ADD3: variants seen among roughly 807,000 people sequenced by gnomAD.
ADD3 encodes gamma-adducin.
Under a neutral mutation model 80.2 loss-of-function variants are expected in ADD3, and 25 were observed. The ratio of observed to expected loss-of-function variants is 0.31; its 90% CI spans 0.23 to 0.44. The LOEUF (loss-of-function observed/expected upper bound fraction) is 0.44. Ranked by LOEUF, ADD3 falls within the 20% of genes least tolerant of loss-of-function variation. The pLI is 1.00. For synonymous variants in ADD3, 284 were observed against 289.6 expected (o/e 0.98, Z 0.20); for missense variants, 829 against 847.5 (o/e 0.98, Z 0.27).
chr10:110,046,998 T>A (rs1249351632), intron 1 of ADD3, among the ~76,000 whole-genome samples: 1 of 152,160 alleles, frequency 6.6e-6, no homozygotes, highest in East Asian at 1.9e-4. Flanking sequence ...GGGTCACAAG[T>A]GCTGACTACT....
At chr10:110,118,017 A>AACACAC in intron 5 of ADD3, among the ~76,000 whole-genome samples, 1 of 97,072 alleles carries the variant, frequency 1.0e-5, no homozygotes, top group Non-Finnish European at 2.1e-5. Flanking sequence ...CTCTGTCTTC[A>AACACAC]ATACACACAC....
At chr10:110,131,646 T>C (rs953795450) in intron 13 of ADD3, among the ~76,000 whole-genome samples, 1 of 152,258 alleles carries the variant, frequency 6.6e-6, no homozygotes, top group African/African-American at 2.4e-5. Context: ...GATTCATTAA[T>C]GTAATTATAC....
At chr10:110,121,942 A>T (rs758763749) in intron 8 of ADD3, 168 bp from the exon 9 acceptor site, 15 of 498,630 alleles carry the variant, frequency 3.0e-5, no homozygotes, top group Non-Finnish European at 5.1e-5. Context: ...GGTGGAAAAG[A>T]TACTTCAGCT....
At chr10:110,074,481 G>A (rs911097687) in intron 1 of ADD3, among the ~76,000 whole-genome samples, 30 of 152,198 alleles carry the variant, frequency 2.0e-4, no homozygotes, top group African/African-American at 7.2e-4. Context: ...CTAGGAGTGC[G>A]TGAACTCTTG....
chr10:110,100,012 C>G (rs1405892550), intron 1 of ADD3, among the ~76,000 whole-genome samples: 1 of 152,066 alleles, frequency 6.6e-6, no homozygotes, highest in African/African-American at 2.4e-5. Flanking sequence ...CACAGAGGCT[C>G]ATGCCTGTAA....
chr10:110,102,682 A>G (rs1848959956), intron 2 of ADD3, among the ~76,000 whole-genome samples: 1 of 152,236 alleles, frequency 6.6e-6, no homozygotes, highest in Non-Finnish European at 1.5e-5. Context: ...AATGAAGTGA[A>G]GTTTCAATTT....
chr10:110,122,224 G>A lies in ADD3; in HGVS notation c.1075G>A (p.Gly359Ser), dbSNP rs1248997219. 1.2e-6 allele frequency: 2 copies of A among 1,613,908 alleles called. No individual in the cohort carries two copies. The highest frequency in any genetic ancestry group is 3.3e-5 in the Admixed American group (2 of 59,988). The stretch of plus-strand genomic sequence containing the variant: ...GTCTGGTGGAGGAGGTGTGAATATG[G>A]GTTCCCATCAAAAATGGAAGGTTGG... ...AASGGGGVNM[G>S]SHQKWKVGEI... is the part of the protein sequence containing the mutation. Residue 359 changes from glycine to serine, a missense_variant, in exon 9 of 15, where the codon GGT becomes AGT. By Grantham distance (56) the Gly-to-Ser change is moderately conservative. Coordinates refer to ENST00000356080, the MANE Select transcript of ADD3 (RefSeq NM_016824.5).
At chr10:110,015,398 T>TG (rs1446138897) in intron 1 of ADD3, among the ~76,000 whole-genome samples, 1 of 149,430 alleles carries the variant, frequency 6.7e-6, no homozygotes, top group East Asian at 2.0e-4. Flanking sequence ...TTTTTTGAGA[T>TG]GGAGTCTCGC....
At chr10:110,046,132 A>T (rs1856882018) in intron 1 of ADD3, among the ~76,000 whole-genome samples, 1 of 152,214 alleles carries the variant, frequency 6.6e-6, no homozygotes. Context: ...CTTGATGTGT[A>T]CCATAGATTG....
At chr10:110,123,508 T>A (rs1375050408) in intron 9 of ADD3, among the ~76,000 whole-genome samples, 2 of 152,242 alleles carry the variant, frequency 1.3e-5, no homozygotes, top group East Asian at 3.8e-4. Flanking sequence ...GAGAAATGTT[T>A]ATTCAGATCC....
At chr10:110,126,177 G>A (rs1852124736) in intron 11 of ADD3, among the ~76,000 whole-genome samples, 1 of 152,116 alleles carries the variant, frequency 6.6e-6, no homozygotes, top group Non-Finnish European at 1.5e-5. Flanking sequence ...AGAGAACCCT[G>A]CTATTAGGGG....
Position 110,075,520 on chromosome 10 carries a change from C to G in ADD3, c.-29-25105C>G, listed in dbSNP as rs182641527. 65 of 152,274 alleles carry G rather than the reference C, an allele frequency of 4.3e-4. No individual in the cohort carries two copies. In the East Asian group the frequency reaches 8.5e-3, roughly 20 times the overall value. The allele number at this position is 152,274 out of a possible 1,614,324, so 9.4% of individuals were successfully genotyped here. ...GGTGAAAGCCCCAAAAGGAAACAGA[C>G]TGATTCTTCCATGCACAAACAGCTG... is the stretch of plus-strand genomic sequence containing the variant. On this transcript the variant is annotated intron_variant, in intron 1 of 14. Coordinates refer to ENST00000356080, the MANE Select transcript of ADD3 (RefSeq NM_016824.5).
intron 1 of ADD3, among the ~76,000 whole-genome samples, chr10:110,081,673 G>A (rs147400951): frequency 2.0e-3 from 298 of 152,218 alleles, no homozygotes; most frequent in African/African-American, 7.0e-3. Flanking sequence ...AAACGTATCT[G>A]ATGTATAAAA....
intron 1 of ADD3, among the ~76,000 whole-genome samples, chr10:110,033,444 G>A (rs7894209): frequency 0.016 from 2,454 of 152,252 alleles, 64 homozygotes; most frequent in African/African-American, 0.052. Flanking sequence ...GGTTCTCAGG[G>A]CAGTCCCAGA....
intron 2 of ADD3, among the ~76,000 whole-genome samples, chr10:110,107,561 T>G (rs1424758854): frequency 6.6e-6 from 1 of 152,134 alleles, no homozygotes; most frequent in Non-Finnish European, 1.5e-5. Flanking sequence ...AGTCAGTACA[T>G]TTTCTCATCA....
At chr10:110,121,873 G>A (rs1851542988) in intron 8 of ADD3, 4 of 361,724 alleles carry the variant, frequency 1.1e-5, no homozygotes, top group East Asian at 4.3e-5. Flanking sequence ...AAGAGGTATG[G>A]CTCTAATGTG....
intron 1 of ADD3, among the ~76,000 whole-genome samples, chr10:110,073,168 G>A (rs1844979611): frequency 7.4e-6 from 1 of 135,564 alleles, no homozygotes; most frequent in African/African-American, 3.2e-5. Context: ...TTCGAGACTG[G>A]GTCTAGCTCT....
At chr10:110,063,826 T>C (rs1384191251) in intron 1 of ADD3, among the ~76,000 whole-genome samples, 1 of 134,726 alleles carries the variant, frequency 7.4e-6, no homozygotes, top group African/African-American at 2.8e-5. Flanking sequence ...AGAACTAGAA[T>C]GCTAGCAACA....
rs143245350 is a variant in ADD3 at position 110,035,576 on chromosome 10, A to AC, written c.-30+27280dup. On this transcript the variant is annotated intron_variant, in intron 1 of 14. Coordinates refer to ENST00000356080, the MANE Select transcript of ADD3 (RefSeq NM_016824.5). ...CGCTTTGTCAGCTGCCTGTAGTTTG[A>AC]CCCTCTCTCTTTTCTACTACCAGTA... Among the ~76,000 whole-genome samples the AC allele has an allele frequency of 8.7e-3, 1,326 of 152,188 alleles. 97 individuals are homozygous for AC. In the East Asian group the frequency reaches 0.19, roughly 22 times the overall value.
Sources: allele counts gnomAD v4.1 joint callset (sites outside exome capture counted in the v4.1 genomes callset), GRCh38; gene constraint gnomAD v4.1.1; transcripts MANE v1.5; gene names NCBI Gene and HGNC (gene_info 2026-07-23, HGNC 2026-07-21).